STMN4: variants seen among roughly 807,000 people sequenced by gnomAD.
The protein encoded by STMN4 is stathmin-4.
In STMN4, 12 loss-of-function variants were observed where a neutral mutation model predicts 29.1. The ratio of observed to expected loss-of-function variants is 0.41; its 90% CI spans 0.26 to 0.67. The LOEUF (loss-of-function observed/expected upper bound fraction) is 0.67. STMN4 is among the 30% of genes least tolerant of loss of function. STMN4 has a pLI of 0.30. For missense variants in STMN4, 181 were observed against 262.8 expected, an observed-to-expected ratio of 0.69 and a Z score of 2.15; for synonymous variants, 114 against 105.3, an observed-to-expected ratio of 1.08 and a Z score of -0.51.
intron 6 of STMN4, 142 bp downstream of exon 6, chr8:27,239,829 T>C (rs1801412357): frequency 6.5e-7 from 1 of 1,549,936 alleles, no homozygotes; most frequent in East Asian, 2.4e-5. Context: ...CGGAACTCTC[T>C]AAAGATCCTG....
intron 6 of STMN4, chr8:27,239,388 T>G: frequency 1.6e-6 from 2 of 1,266,094 alleles, no homozygotes; most frequent in Non-Finnish European, 2.2e-6. Context: ...AACGGGCCGG[T>G]ATTCTGCTGA....
At chr8:27,247,212 G>A (rs990404721) in intron 1 of STMN4, among the ~76,000 whole-genome samples, 7 of 139,000 alleles carry the variant, frequency 5.0e-5, no homozygotes, top group East Asian at 4.2e-4. Context: ...CCGAGATCGC[G>A]CCACTGAACT....
At position 27,240,045 on chromosome 8, in the gene STMN4, C is replaced by A; in HGVS notation, c.517G>T (p.Ala173Ser). 1 of 1,614,214 alleles carries A rather than the reference C, an allele frequency of 6.2e-7. No individual in the cohort carries two copies. The highest frequency in any genetic ancestry group is 8.5e-7 in the Non-Finnish European group (1 of 1,180,038). ...NFIKMAKEKL[A>S]QKMESNKENR... ...TCCTTGTTGGATTCCATCTTCTGGG[C>A]CAGTTTTTCCTTAGCCATCTTGATG... Residue 173 changes from alanine (A) to serine (S), a missense_variant, in exon 6 of 7, where the codon GCC (alanine) becomes TCC (serine). Coordinates refer to ENST00000350889, the MANE Select transcript of STMN4 (RefSeq NM_030795.4).
chr8:27,239,130 C>T, intron 6 of STMN4: 1 of 1,401,170 alleles, frequency 7.1e-7, no homozygotes, highest in Non-Finnish European at 9.5e-7. Context: ...AACATTCAGA[C>T]ACCTTGTGAA....
intron 3 of STMN4, 22 bp from the exon 4 acceptor site, chr8:27,241,779 A>G (rs1239176711): frequency 6.2e-7 from 1 of 1,613,846 alleles, no homozygotes; most frequent in African/African-American, 1.3e-5. Flanking sequence ...AAACAACCTC[A>G]GGTCATCCGA....
intron 1 of STMN4, among the ~76,000 whole-genome samples, chr8:27,248,833 G>A (rs562734371): frequency 3.7e-4 from 57 of 152,306 alleles, no homozygotes; most frequent in African/African-American, 1.3e-3. Context: ...GGCAACATTC[G>A]TTTGGGGAAA....
chr8:27,241,491 C>A (rs1012382152), intron 4 of STMN4, among the ~76,000 whole-genome samples, 186 bp downstream of exon 4: 10 of 152,172 alleles, frequency 6.6e-5, no homozygotes, highest in Non-Finnish European at 1.5e-4. Flanking sequence ...GGGCCCCAGG[C>A]AATGTGATTT....
At chr8:27,251,588 G>C (rs369966998) in intron 1 of STMN4, among the ~76,000 whole-genome samples, 2 of 151,748 alleles carry the variant, frequency 1.3e-5, no homozygotes, top group Admixed American at 1.3e-4. Context: ...TATAAATAAT[G>C]CTTTAATTAC....
intron 2 of STMN4, among the ~76,000 whole-genome samples, 169 bp downstream of exon 2, chr8:27,243,542 G>C (rs1801536633): frequency 6.6e-6 from 1 of 151,810 alleles, no homozygotes; most frequent in Admixed American, 6.6e-5. Context: ...GCAGTGGTGT[G>C]CCTCCCGCCA....
At chr8:27,242,208 C>G (rs1290754008) in intron 3 of STMN4, 189 bp downstream of exon 3, 2 of 618,936 alleles carry the variant, frequency 3.2e-6, no homozygotes, top group Non-Finnish European at 5.6e-6. Context: ...TTCATGGCCT[C>G]CCCCTAGTGC....
chr8:27,239,400 A>T, intron 6 of STMN4: 1 of 1,087,082 alleles, frequency 9.2e-7, no homozygotes, highest in Non-Finnish European at 1.3e-6. Flanking sequence ...TTCTGCTGAC[A>T]CACAGAACCA....
At chr8:27,257,328 G>A (rs573891006) in intron 1 of STMN4, among the ~76,000 whole-genome samples, 45 of 152,024 alleles carry the variant, frequency 3.0e-4, no homozygotes, top group Non-Finnish European at 5.4e-4. Context: ...CCCATCCCTC[G>A]AGCCTCAGCA....
At chr8:27,241,358 G>T in intron 4 of STMN4, 96 bp from the exon 5 acceptor site, 2 of 1,499,256 alleles carry the variant, frequency 1.3e-6, no homozygotes, top group South Asian at 1.2e-5. Context: ...GAGAACTGGG[G>T]CCCCAAGCAA....
At position 27,243,786 on chromosome 8, in the gene STMN4, G is replaced by A; in HGVS notation, c.-63C>T. The A allele has an allele frequency of 6.2e-7, 1 of 1,614,094 alleles. No homozygotes were observed. Among genetic ancestry groups the A allele is most frequent in the Non-Finnish European group, 8.5e-7 (1 of 1,179,988 alleles). On this transcript the variant is annotated 5_prime_UTR_variant, in exon 2 of 7. Coordinates refer to ENST00000350889, the MANE Select transcript of STMN4 (RefSeq NM_030795.4). The stretch of plus-strand genomic sequence containing the variant: ...ACAGAGTGGGTCTGTCACCAGCTTG[G>A]GACGCTGTCACCAACCTGAGAAAAG...
chr8:27,249,546 T>C (rs946818462), intron 1 of STMN4, among the ~76,000 whole-genome samples: 1 of 152,174 alleles, frequency 6.6e-6, no homozygotes. Context: ...CTGGCAGAGA[T>C]TGGATGGATT....
chr8:27,241,063 C>A lies in STMN4; in HGVS notation c.390G>T (p.Glu130Asp). Residue 130 changes from glutamate to aspartate, a missense_variant, in exon 5 of 7, where the codon GAG becomes GAT. By Grantham distance (45) the Glu-to-Asp change is conservative. Coordinates refer to ENST00000350889, the MANE Select transcript of STMN4 (RefSeq NM_030795.4). ...AAGGGTCAGCATTTACCTTCCTTCG[C>A]TCCTCAGCCGCTTCTAGTTTCTTCT... Reference protein sequence around the residue: ...EIQKKLEAAEERRKYQEAELL... With the variant: ...EIQKKLEAAEDRRKYQEAELL... 1 of 1,613,450 alleles carries A rather than the reference C, an allele frequency of 6.2e-7. No homozygotes were observed. The highest frequency in any genetic ancestry group is 8.5e-7 in the Non-Finnish European group (1 of 1,179,636).
chr8:27,252,307 G>C (rs1211814288), intron 1 of STMN4, among the ~76,000 whole-genome samples: 1 of 152,148 alleles, frequency 6.6e-6, no homozygotes, highest in African/African-American at 2.4e-5. Flanking sequence ...ATGATTTATA[G>C]TCCTTTGGGT....
rs765294712 is a variant in STMN4, at chr8:27,236,891, C to T, written c.606G>A (p.Glu202=). The T allele has an allele frequency of 5.0e-6, 8 of 1,608,392 alleles. No homozygotes were observed. The highest frequency in any genetic ancestry group is 1.7e-4 in the Middle Eastern group (1 of 6,036). Residue 202 remains glutamate (E), a synonymous_variant, in exon 7 of 7, where the codon GAG becomes GAA. Coordinates refer to ENST00000350889, the MANE Select transcript of STMN4 (RefSeq NM_030795.4). The part of the protein sequence containing the change: ...ERLQEKDKHA[E]EVRKNKELKE... ...TCAGCTCCTTGTTTTTCCGCACCTCCTCGGCGTGCTTGTCCTGGAAAGGAA... is the reference window on the plus strand; with the variant it reads ...TCAGCTCCTTGTTTTTCCGCACCTCTTCGGCGTGCTTGTCCTGGAAAGGAA...
chr8:27,253,546 G>T (rs931139337), intron 1 of STMN4, among the ~76,000 whole-genome samples: 7 of 152,154 alleles, frequency 4.6e-5, no homozygotes, highest in African/African-American at 1.7e-4. Flanking sequence ...TGTGCATTAT[G>T]CAAAGCACTA....
Sources: gnomAD v4.1 joint callset for allele counts (sites outside exome capture counted in the v4.1 genomes callset) on GRCh38, gnomAD v4.1.1 for gene constraint, MANE v1.5 for transcripts, NCBI Gene and HGNC (gene_info 2026-07-23, HGNC 2026-07-21) for gene names.